The following SNW1 variants were observed in gnomAD, a reference collection of about 807,000 sequenced individuals.
The protein encoded by SNW1 is SNW domain-containing protein 1.
Under a neutral mutation model 75.6 loss-of-function variants are expected in SNW1, and 9 were observed. The ratio of observed to expected loss-of-function variants is 0.12; its 90% CI spans 0.07 to 0.21. The LOEUF (loss-of-function observed/expected upper bound fraction) is 0.21. SNW1 is among the 10% of genes least tolerant of loss of function. The probability of loss-of-function intolerance (pLI) is 1.00; values close to 1 mark genes in which losing one functional copy is unlikely to be tolerated. For synonymous variants in SNW1, 200 were observed against 219.1 expected (o/e 0.91, Z 0.77); for missense variants, 409 against 670.9 (o/e 0.61, Z 4.31).
At chr14:77,721,654 CTT>C (rs10584477) in intron 11 of SNW1, among the ~76,000 whole-genome samples, 3,415 of 152,306 alleles carry the variant, frequency 0.022, 146 homozygotes, top group African/African-American at 0.078. Flanking sequence ...GAGTAAGAGT[CTT>C]TGCTTCTCCA....
At chr14:77,731,874 G>C (rs1420415712) in intron 9 of SNW1, among the ~76,000 whole-genome samples, 1 of 152,106 alleles carries the variant, frequency 6.6e-6, no homozygotes, top group Admixed American at 6.6e-5. Context: ...AAGTAGCTAG[G>C]ATTACAGGTG....
Position 77,740,556 on chromosome 14 carries a change from T to C in SNW1, c.331-1495A>G, listed in dbSNP as rs183375599. ...GTCACACTAGCTCATCTTCTGTTTCTTGAACATAACATACTTTTCCCCAAT... is the reference window on the plus strand; with the variant it reads ...GTCACACTAGCTCATCTTCTGTTTCCTGAACATAACATACTTTTCCCCAAT... On this transcript the variant is annotated intron_variant, in intron 3 of 13. Coordinates refer to ENST00000261531, the MANE Select transcript of SNW1 (RefSeq NM_012245.3). 9.2e-5 allele frequency among the ~76,000 whole-genome samples: 14 copies of C among 152,312 alleles called. No homozygotes were observed. The East Asian group carries it at 2.5e-3, about 27-fold the overall frequency.
intron 12 of SNW1, among the ~76,000 whole-genome samples, chr14:77,719,822 GAATAT>G (rs1221240197): frequency 6.7e-6 from 1 of 148,928 alleles, no homozygotes; most frequent in Non-Finnish European, 1.5e-5. Context: ...ACAATGCCAA[GAATAT>G]AAAATGCATC....
At position 77,723,263 on chromosome 14, in the gene SNW1, G is replaced by C; in HGVS notation, c.1048C>G (p.Arg350Gly). The change falls in exon 11 of 14, where the codon CGT (arginine) becomes GGT (glycine). Residue 350 changes from arginine to glycine, a missense_variant. By Grantham distance (125) the Arg-to-Gly change is moderately radical. Coordinates refer to ENST00000261531, the MANE Select transcript of SNW1 (RefSeq NM_012245.3). ...THVEKEDGEA[R>G]ERDEIRHDRR... The stretch of plus-strand genomic sequence containing the variant: ...TCATGCCGGATTTCATCCCTCTCAC[G>C]TGCCTCCCCATCCTCTGTGTGAACA... The C allele has an allele frequency of 1.9e-6, 3 of 1,613,722 alleles. No homozygotes were observed. The highest frequency in any genetic ancestry group is 1.7e-6 in the Non-Finnish European group (2 of 1,179,780).
chr14:77,758,211 T>C (rs2080857697), intron 1 of SNW1, among the ~76,000 whole-genome samples: 1 of 145,646 alleles, frequency 6.9e-6, no homozygotes, highest in Non-Finnish European at 1.5e-5. Flanking sequence ...ACGCCTGTAA[T>C]CCCAGCTGAG....
intron 5 of SNW1, 28 bp from the exon 6 acceptor site, chr14:77,737,103 T>TG: frequency 6.7e-7 from 1 of 1,492,944 alleles, no homozygotes; most frequent in Non-Finnish European, 9.3e-7. Flanking sequence ...AAACTAAAGG[T>TG]GTAATTAGTT....
intron 11 of SNW1, 66 bp from the exon 12 acceptor site, chr14:77,720,894 A>G: frequency 1.1e-6 from 1 of 931,978 alleles, no homozygotes; most frequent in South Asian, 1.4e-5. Flanking sequence ...GTTCAATAGA[A>G]ATACAACCAA....
In SNW1 at chr14:77,751,847, A is replaced by AC. The variant is rs1490339359; in HGVS notation, c.169-368dup. Among the ~76,000 whole-genome samples, 43 of 124,924 alleles carry AC rather than the reference A, an allele frequency of 3.4e-4. 1 individual carries two copies. Among genetic ancestry groups the AC allele is most frequent in the African/African-American group, 6.8e-4 (23 of 34,044 alleles). 82.0% of individuals were successfully genotyped at this position (124,924 alleles called of 152,430 possible). ...ACACACACACACACACACACACACC[A>AC]CACACACACACACACAAAGCATTTT... is the stretch of plus-strand genomic sequence containing the variant. On this transcript the variant is annotated intron_variant, in intron 2 of 13. Transcript: ENST00000261531.
intron 12 of SNW1, among the ~76,000 whole-genome samples, chr14:77,719,243 C>T (rs565970793): frequency 1.3e-5 from 2 of 152,094 alleles, no homozygotes; most frequent in South Asian, 4.1e-4. Context: ...TAAGCTTAAG[C>T]TTCTAACAGG....
At chr14:77,754,392 G>A (rs1213198143) in intron 2 of SNW1, among the ~76,000 whole-genome samples, 3 of 152,158 alleles carry the variant, frequency 2.0e-5, no homozygotes, top group Non-Finnish European at 4.4e-5. Context: ...AGCTATTCCA[G>A]ATGGTTCCTT....
rs147582886 is a variant in SNW1 at position 77,738,411 on chromosome 14, A to T, written c.533+367T>A. 1.7e-4 allele frequency among the ~76,000 whole-genome samples: 26 copies of T among 152,018 alleles called. No homozygotes were observed. The East Asian group carries it at 3.9e-3, about 23-fold the overall frequency. On this transcript the variant is annotated intron_variant, in intron 5 of 13. Coordinates refer to ENST00000261531, the MANE Select transcript of SNW1 (RefSeq NM_012245.3). ...ACTGCTTGAGCCCAGGAGTTCGAAA[A>T]CAGCCTGAGCATCACAGCGAGACCC...
In SNW1 at chr14:77,744,135, C is replaced by CAA. The variant is rs11335114; in HGVS notation, c.331-5076_331-5075dup. ...TGGGTGACAGAGTGAGACTCCATCT[C>CAA]AAAAAAAAAAAAAAAGAAAAAAAGA... On this transcript the variant is annotated intron_variant, in intron 3 of 13. Transcript: ENST00000261531. Among the ~76,000 whole-genome samples the CAA allele has an allele frequency of 9.9e-3, 1,199 of 121,712 alleles. 23 individuals carry two copies. Among genetic ancestry groups the CAA allele is most frequent in the African/African-American group, 0.036 (1,147 of 32,244 alleles). 79.8% of individuals were successfully genotyped at this position (121,712 alleles called of 152,430 possible).
intron 6 of SNW1, 29 bp from the exon 7 acceptor site, chr14:77,736,035 GAT>G (rs765001128): frequency 6.5e-7 from 1 of 1,537,994 alleles, no homozygotes; most frequent in East Asian, 2.2e-5. Context: ...ACCAGAGAGT[GAT>G]ATAGTTTCCT....
chr14:77,727,789 T>A (rs1050376617), intron 10 of SNW1, among the ~76,000 whole-genome samples: 7 of 152,204 alleles, frequency 4.6e-5, no homozygotes, highest in Non-Finnish European at 1.0e-4. Context: ...GAAATCTGTT[T>A]GTTAGAATTT....
intron 5 of SNW1, 49 bp downstream of exon 5, chr14:77,738,729 G>T: frequency 7.2e-7 from 1 of 1,383,264 alleles, no homozygotes; most frequent in Non-Finnish European, 1.0e-6. Flanking sequence ...GACCCCCCAA[G>T]CTGAATCAAG....
chr14:77,759,583 AC>A (rs1359881167), intron 1 of SNW1, among the ~76,000 whole-genome samples: 1 of 152,038 alleles, frequency 6.6e-6, no homozygotes, highest in Non-Finnish European at 1.5e-5. Flanking sequence ...TTCAAATTCC[AC>A]CTTTTCCACA....
chr14:77,758,315 C>CAAAAAAAAAAA lies in SNW1; in HGVS notation c.14+2788_14+2798dup, dbSNP rs55707854. 1.2e-3 allele frequency among the ~76,000 whole-genome samples: 101 copies of CAAAAAAAAAAA among 85,804 alleles called. 2 individuals carry two copies. Among genetic ancestry groups the CAAAAAAAAAAA allele is most frequent in the African/African-American group, 2.2e-3 (43 of 19,660 alleles). 56.3% of individuals were successfully genotyped at this position (85,804 alleles called of 152,430 possible). On this transcript the variant is annotated intron_variant, in intron 1 of 13. Coordinates refer to ENST00000261531, the MANE Select transcript of SNW1 (RefSeq NM_012245.3). ...CCTGGGTGAGAGTGAGACTCTGCCA[C>CAAAAAAAAAAA]AAAAAAAAAAAAAAAAAAAAAGAAC...
At chr14:77,751,286 AT>A in intron 3 of SNW1, 32 bp downstream of exon 3, 1 of 1,572,260 alleles carries the variant, frequency 6.4e-7, no homozygotes, top group Middle Eastern at 1.7e-4. Context: ...TTCCTAAAAT[AT>A]TTATCATTCA....
At chr14:77,732,222 CA>C (rs1172512004) in intron 9 of SNW1, among the ~76,000 whole-genome samples, 1 of 152,082 alleles carries the variant, frequency 6.6e-6, no homozygotes, top group East Asian at 1.9e-4. Context: ...TAGCAATCTT[CA>C]AAAAATGGGA....
Sources: gnomAD v4.1 joint callset for allele counts (sites outside exome capture counted in the v4.1 genomes callset) on GRCh38, gnomAD v4.1.1 for gene constraint, MANE v1.5 for transcripts, NCBI Gene and HGNC (gene_info 2026-07-23, HGNC 2026-07-21) for gene names.